Variants in FBLN1 observed in about 807,000 individuals in gnomAD.
The protein encoded by FBLN1 is fibulin-1.
In FBLN1, 34 loss-of-function variants were observed where a neutral mutation model predicts 89.7. The ratio of observed to expected loss-of-function variants is 0.38; its 90% CI spans 0.29 to 0.50. FBLN1 has a LOEUF of 0.50. Ranked by LOEUF, FBLN1 falls within the 20% of genes least tolerant of loss-of-function variation. The probability of loss-of-function intolerance (pLI) is 0.92; values close to 1 mark genes in which losing one functional copy is unlikely to be tolerated. For synonymous variants in FBLN1, 393 were observed against 391.3 expected, an observed-to-expected ratio of 1.00 and a Z score of -0.05; for missense variants, 777 against 988.1, an observed-to-expected ratio of 0.79 and a Z score of 2.86.
chr22:45,565,235 C>A lies in FBLN1; in HGVS notation c.1698-9276C>A, dbSNP rs2088892470. On this transcript the variant is annotated intron_variant, in intron 14 of 16. Coordinates refer to ENST00000327858, the MANE Select transcript of FBLN1 (RefSeq NM_006486.3). ...TACGATGGTCTGAGCTTCCTTAGAA[C>A]CTTCCATGGTTGTCTTTTCCCAGCA... 2.1e-6 allele frequency: 3 copies of A among 1,434,610 alleles called. No individual in the cohort carries two copies. The South Asian group carries it at 3.6e-5, about 17-fold the overall frequency. The allele number at this position is 1,434,610 out of a possible 1,614,324, so 88.9% of individuals were successfully genotyped here.
chr22:45,516,026 AG>A (rs1255455703), intron 1 of FBLN1, among the ~76,000 whole-genome samples: 1 of 152,222 alleles, frequency 6.6e-6, no homozygotes, highest in African/African-American at 2.4e-5. Flanking sequence ...AGGGTAAGGC[AG>A]GCAGGCAGGG....
rs370127098 is a variant in FBLN1, at chr22:45,563,185, C to G, written c.1698-11326C>G. 1.9e-6 allele frequency: 3 copies of G among 1,613,634 alleles called. No homozygotes were observed. Among genetic ancestry groups the G allele is most frequent in the East Asian group, 2.2e-5 (1 of 44,872 alleles). The stretch of plus-strand genomic sequence containing the variant: ...CCGAGCCCAGGGACTTGCTCCTGAC[C>G]GTCAAGATGGATCTCTCTCGCCACG... On this transcript the variant is annotated intron_variant, in intron 14 of 16. Transcript: ENST00000327858. This position sits in a 1 kb window ranked among gnomAD's most constrained non-coding sequence, Gnocchi z 5.7.
chr22:45,565,717 A>AATGGATGGATGG lies in FBLN1; in HGVS notation c.1698-8779_1698-8768dup, dbSNP rs35615209. Reference sequence around the variant, plus strand: ...AGGTTGATGGATGGATGGACAGACCAATGGATGGATGGATGGATGGATGGA... The same window carrying AATGGATGGATGG: ...AGGTTGATGGATGGATGGACAGACCAATGGATGGATGGATGGATGGATGGATGGATGGATGGA... On this transcript the variant is annotated intron_variant, in intron 14 of 16. Coordinates refer to ENST00000327858, the MANE Select transcript of FBLN1 (RefSeq NM_006486.3). 5.1e-3 allele frequency: 807 copies of AATGGATGGATGG among 157,400 alleles called. 7 individuals are homozygous for AATGGATGGATGG. The highest frequency in any genetic ancestry group is 0.018 in the African/African-American group (752 of 41,148). 9.8% of individuals were successfully genotyped at this position (157,400 alleles called of 1,614,324 possible).
rs200146070 is a variant in FBLN1 at position 45,533,070 on chromosome 22, G to T, written c.552G>T (p.Gly184=). 1 of 1,613,926 alleles carries T rather than the reference G, an allele frequency of 6.2e-7. No individual in the cohort carries two copies. Among genetic ancestry groups the T allele is most frequent in the East Asian group, 2.2e-5 (1 of 44,894 alleles). The change falls in exon 6 of 17, where the codon GGG becomes GGT. Residue 184 remains glycine, a synonymous_variant. Coordinates refer to ENST00000327858, the MANE Select transcript of FBLN1 (RefSeq NM_006486.3). Reference sequence around the variant, plus strand: ...TGCACGCTGTGCTTCCAGGAGGCGGGCCCTGCAAGCAGCAGTGCCGAGACA... The same window carrying T: ...TGCACGCTGTGCTTCCAGGAGGCGGTCCCTGCAAGCAGCAGTGCCGAGACA... The part of the protein sequence containing the change: ...PYLNDRCRGG[G]PCKQQCRDTG...
chr22:45,574,753 C>T lies in FBLN1; in HGVS notation c.1840+100C>T, dbSNP rs1418518352. 11 of 967,294 alleles carry T rather than the reference C, an allele frequency of 1.1e-5. No individual in the cohort carries two copies. The highest frequency in any genetic ancestry group is 1.7e-5 in the Non-Finnish European group (11 of 645,532). The allele number at this position is 967,294 out of a possible 1,614,324, so 59.9% of individuals were successfully genotyped here. ...GGAGTTGTTCCTTGTAAGATGTGGC[C>T]CAGGCTTTGAAATGCAGAACTTTCT... On this transcript the variant is annotated intron_variant, in intron 15 of 16. Coordinates refer to ENST00000327858, the MANE Select transcript of FBLN1 (RefSeq NM_006486.3). This position sits in a 1 kb window ranked among gnomAD's most constrained non-coding sequence, Gnocchi z 4.1.
Position 45,576,947 on chromosome 22 carries a change from T to C in FBLN1, c.1841-30T>C. ...GACTGGGGCTGGGGCCAGGCTGTGC[T>C]GAGCCCTTCTCCATTCTGTGCCTCT... On this transcript the variant is annotated intron_variant, in intron 15 of 16. Coordinates refer to ENST00000327858, the MANE Select transcript of FBLN1 (RefSeq NM_006486.3). This position sits in a 1 kb window ranked among gnomAD's most constrained non-coding sequence, Gnocchi z 5.2. The C allele has an allele frequency of 1.2e-6, 2 of 1,612,786 alleles. No individual in the cohort carries two copies. Among genetic ancestry groups the C allele is most frequent in the Non-Finnish European group, 1.7e-6 (2 of 1,179,938 alleles).
chr22:45,574,410 C>A lies in FBLN1; in HGVS notation c.1698-101C>A. ...GATGGAGCTGTCTCTGGGACAGATG[C>A]CCCTGCCCTGGCCACCTGCTCCTCC... On this transcript the variant is annotated intron_variant, in intron 14 of 16. Transcript: ENST00000327858. This position sits in a 1 kb window ranked among gnomAD's most constrained non-coding sequence, Gnocchi z 4.1. The A allele has an allele frequency of 7.8e-7, 1 of 1,284,584 alleles. No homozygotes were observed. The highest frequency in any genetic ancestry group is 1.1e-6 in the Non-Finnish European group (1 of 898,878). 79.6% of individuals were successfully genotyped at this position (1,284,584 alleles called of 1,614,324 possible).
intron 16 of FBLN1, among the ~76,000 whole-genome samples, chr22:45,594,207 C>A (rs1168168639): frequency 6.6e-6 from 1 of 152,196 alleles, no homozygotes; most frequent in Non-Finnish European, 1.5e-5. Flanking sequence ...CTTCCTCCTT[C>A]CCTTGCCTCC....
Position 45,573,395 on chromosome 22 carries a change from G to T in FBLN1, c.1698-1116G>T, listed in dbSNP as rs138028384. Reference sequence around the variant, plus strand: ...GAAAACTATGAAGAAACCCAAGTAGGCCGGGCTCGGTGGCTCAGGCCTGTA... The same window carrying T: ...GAAAACTATGAAGAAACCCAAGTAGTCCGGGCTCGGTGGCTCAGGCCTGTA... On this transcript the variant is annotated intron_variant, in intron 14 of 16. Coordinates refer to ENST00000327858, the MANE Select transcript of FBLN1 (RefSeq NM_006486.3). Among the ~76,000 whole-genome samples, 3 of 151,866 alleles carry T rather than the reference G, an allele frequency of 2.0e-5. No individual in the cohort carries two copies. In the East Asian group the frequency reaches 5.9e-4, roughly 30 times the overall value.
chr22:45,577,023 G>A lies in FBLN1; in HGVS notation c.1887G>A (p.Gln629=). 1 of 1,614,152 alleles carries A rather than the reference G, an allele frequency of 6.2e-7. No homozygotes were observed. The highest frequency in any genetic ancestry group is 2.2e-5 in the East Asian group (1 of 44,878). The change falls in exon 16 of 17, where the codon CAG becomes CAA. Residue 629 remains glutamine (Q), a synonymous_variant. Coordinates refer to ENST00000327858, the MANE Select transcript of FBLN1 (RefSeq NM_006486.3). This position sits in a 1 kb window ranked among gnomAD's most constrained non-coding sequence, Gnocchi z 6.6. ...RAITPPHPAS[Q]ANIIFDITEG... ...TCACGCCACCGCATCCTGCCAGCCA[G>A]GCTAACATCATCTTCGACATCACGG...
chr22:45,589,015 G>A (rs762995347), intron 16 of FBLN1, among the ~76,000 whole-genome samples: 7 of 149,794 alleles, frequency 4.7e-5, no homozygotes, highest in East Asian at 2.0e-4. Flanking sequence ...AGCAAACCCC[G>A]CGTGGCCCTT....
chr22:45,533,114 G>T lies in FBLN1; in HGVS notation c.596G>T (p.Cys199Phe). The change falls in exon 6 of 17, where the codon TGC becomes TTC. Residue 199 changes from cysteine to phenylalanine, a missense_variant. By Grantham distance (205) the Cys-to-Phe change is radical (BLOSUM62 -2). Transcript: ENST00000327858. ...QCRDTGDEVVCSCFVGYQLLS... is the reference protein window; with the variant it reads ...QCRDTGDEVVFSCFVGYQLLS... Reference sequence around the variant, plus strand: ...CGAGACACGGGTGACGAGGTGGTCTGCTCCTGCTTCGTGGGCTACCAGCTG... The same window carrying T: ...CGAGACACGGGTGACGAGGTGGTCTTCTCCTGCTTCGTGGGCTACCAGCTG... 6.2e-7 allele frequency: 1 copy of T among 1,614,204 alleles called. No individual in the cohort carries two copies. Among genetic ancestry groups the T allele is most frequent in the Non-Finnish European group, 8.5e-7 (1 of 1,180,018 alleles).
chr22:45,563,124 C>T lies in FBLN1; in HGVS notation c.1698-11387C>T. On this transcript the variant is annotated intron_variant, in intron 14 of 16. Coordinates refer to ENST00000327858, the MANE Select transcript of FBLN1 (RefSeq NM_006486.3). This position sits in a 1 kb window ranked among gnomAD's most constrained non-coding sequence, Gnocchi z 5.7. ...TTTTTCACCACCCGGAAGGTGAGCCCCCACAGTGGGGTGGTGGCCCTCACC... is the reference window on the plus strand; with the variant it reads ...TTTTTCACCACCCGGAAGGTGAGCCTCCACAGTGGGGTGGTGGCCCTCACC... The T allele has an allele frequency of 6.2e-7, 1 of 1,613,382 alleles. No homozygotes were observed. Among genetic ancestry groups the T allele is most frequent in the East Asian group, 2.2e-5 (1 of 44,832 alleles).
rs375477154 is a variant in FBLN1, at chr22:45,537,342, G to A, written c.922+2005G>A. ...ATTTAAAGATAAGTGGATGTGGCCG[G>A]GCACAGTGACTCACGCCTGTAATTC... is the stretch of plus-strand genomic sequence containing the variant. On this transcript the variant is annotated intron_variant, in intron 8 of 16. Coordinates refer to ENST00000327858, the MANE Select transcript of FBLN1 (RefSeq NM_006486.3). This position sits in a 1 kb window ranked among gnomAD's most constrained non-coding sequence, Gnocchi z 5.7. Among the ~76,000 whole-genome samples the A allele has an allele frequency of 1.0e-3, 152 of 152,288 alleles. 1 individual carries two copies. The Middle Eastern group carries it at 0.02, about 20-fold the overall frequency.
intron 11 of FBLN1, 82 bp from the exon 12 acceptor site, chr22:45,547,003 T>G: frequency 6.2e-7 from 1 of 1,604,606 alleles, no homozygotes; most frequent in South Asian, 1.1e-5. Context: ...GAGAGGAGAT[T>G]TTCTGTTCAC....
In FBLN1 at chr22:45,577,396, C is replaced by T. The variant is rs551248916; in HGVS notation, c.1972+288C>T. Among the ~76,000 whole-genome samples the T allele has an allele frequency of 7.2e-5, 11 of 152,330 alleles. No homozygotes were observed. Among genetic ancestry groups the T allele is most frequent in the Admixed American group, 3.3e-4 (5 of 15,304 alleles). On this transcript the variant is annotated intron_variant, in intron 16 of 16. Coordinates refer to ENST00000327858, the MANE Select transcript of FBLN1 (RefSeq NM_006486.3). The surrounding 1 kb of genome is among the most constrained non-coding windows in gnomAD (Gnocchi z 6.6). ...TATAACATGGGTGGGTTCCAGAGAG[C>T]GCTGCGCCTCACAACCATGAATTTC...
chr22:45,595,440 G>C (rs1320510067), intron 16 of FBLN1, among the ~76,000 whole-genome samples: 1 of 152,052 alleles, frequency 6.6e-6, no homozygotes, highest in African/African-American at 2.4e-5. Context: ...GAAAATCCAG[G>C]CCCCGAATCT....
chr22:45,523,440 C>G (rs1355621286), intron 2 of FBLN1, among the ~76,000 whole-genome samples: 3 of 152,214 alleles, frequency 2.0e-5, no homozygotes, highest in African/African-American at 7.2e-5. Flanking sequence ...CAGTGGCTCA[C>G]GCCTATAATC....
rs975017891 is a variant in FBLN1, at chr22:45,545,145, C to T, written c.1321+1619C>T. Among the ~76,000 whole-genome samples the T allele has an allele frequency of 2.0e-5, 3 of 152,126 alleles. No individual in the cohort carries two copies. Among genetic ancestry groups the T allele is most frequent in the South Asian group, 2.1e-4 (1 of 4,830 alleles). On this transcript the variant is annotated intron_variant, in intron 11 of 16. Coordinates refer to ENST00000327858, the MANE Select transcript of FBLN1 (RefSeq NM_006486.3). This position sits in a 1 kb window ranked among gnomAD's most constrained non-coding sequence, Gnocchi z 5.9. ...CATGATTCTCAAATCGGAGGACGGA[C>T]GGTGTGAGGGGTCCTGGGCTTAGTT...
Sources: allele counts gnomAD v4.1 joint callset (sites outside exome capture counted in the v4.1 genomes callset), GRCh38; gene constraint gnomAD v4.1.1; non-coding constraint Gnocchi (gnomAD v3.1); transcripts MANE v1.5; gene names NCBI Gene and HGNC (gene_info 2026-07-23, HGNC 2026-07-21).